Variants in BST1 observed in about 807,000 individuals in gnomAD.
BST1 encodes the protein ADP-ribosyl cyclase/cyclic ADP-ribose hydrolase 2.
BST1 carries 49 observed loss-of-function variants against 40.6 expected under a neutral mutation model. That is an observed-to-expected ratio of 1.21 (90% CI 0.96 to 1.53). The LOEUF is 1.53. Among genes scored for constraint, BST1 ranks in the 40% most tolerant of loss-of-function variants. The pLI is 0.00. For missense variants in BST1, 423 were observed against 395.9 expected, an observed-to-expected ratio of 1.07 and a Z score of -0.58; for synonymous variants, 157 against 159.3, an observed-to-expected ratio of 0.99 and a Z score of 0.11.
rs866542222 is a variant in BST1, at chr4:15,738,015, T to C, written c.*241T>C. On this transcript the variant is annotated 3_prime_UTR_variant, in exon 7 of 7. Coordinates refer to the BST1 transcript ENST00000514445. ...AATATTTAGGGTGGTGAAAATACTC[T>C]GCATGATACTAGAATTGTGGATACA... 42 of 346,410 alleles carry C rather than the reference T, an allele frequency of 1.2e-4. 2 individuals are homozygous for C. Among genetic ancestry groups the C allele is most frequent in the South Asian group, 8.9e-4 (40 of 45,172 alleles). The allele number at this position is 346,410 out of a possible 1,614,324, so 21.5% of individuals were successfully genotyped here. A position where few individuals can be genotyped will look rare whatever the true frequency, so the allele number is the denominator to read the frequency against.
chr4:15,768,141 A>G, the BST1 span, among the ~76,000 whole-genome samples: 1 of 152,344 alleles, frequency 6.6e-6, no homozygotes, highest in South Asian at 2.1e-4. Context: ...CCAGTGTGTT[A>G]GGCAATCTGG....
intron 1 of BST1, among the ~76,000 whole-genome samples, chr4:15,704,100 GGT>G (rs138135041): frequency 4.3e-5 from 6 of 140,570 alleles, no homozygotes; most frequent in Admixed American, 7.1e-5. Flanking sequence ...AGAGGTGACA[GGT>G]GTGTGTGTGT....
the BST1 span, among the ~76,000 whole-genome samples, chr4:15,756,128 C>T: frequency 2.0e-5 from 3 of 152,068 alleles, no homozygotes; most frequent in African/African-American, 7.2e-5. Flanking sequence ...AACACACCAC[C>T]ATGAACAACA....
the BST1 span, among the ~76,000 whole-genome samples, chr4:15,744,544 G>A: frequency 6.6e-6 from 1 of 152,088 alleles, no homozygotes; most frequent in Admixed American, 6.6e-5. Flanking sequence ...GGGATTATGG[G>A]GATTACAATT....
At chr4:15,707,834 A>T (rs952289761) in intron 3 of BST1, among the ~76,000 whole-genome samples, 188 bp downstream of exon 3, 2 of 107,024 alleles carry the variant, frequency 1.9e-5, no homozygotes, top group African/African-American at 3.8e-5. Flanking sequence ...CAGTCTAAGC[A>T]CTCTCTCTCT....
chr4:15,735,920 T>A, downstream of BST1: 1 of 376,632 alleles, frequency 2.7e-6, no homozygotes. Flanking sequence ...ATAAGAGTAA[T>A]AATGGCTCTT....
intron 4 of BST1, 83 bp from the exon 5 acceptor site, chr4:15,715,202 C>G: frequency 8.0e-7 from 1 of 1,255,548 alleles, no homozygotes; most frequent in African/African-American, 1.5e-5. Flanking sequence ...TTATTTAGAA[C>G]TGACAATTTG....
At chr4:15,761,985 G>A in the BST1 span, among the ~76,000 whole-genome samples, 3 of 151,426 alleles carry the variant, frequency 2.0e-5, no homozygotes, top group Admixed American at 6.6e-5. Context: ...CGAGGCAGGC[G>A]GATCACGAGC....
the BST1 span, among the ~76,000 whole-genome samples, chr4:15,764,204 C>T: frequency 6.6e-6 from 1 of 151,822 alleles, no homozygotes. Flanking sequence ...TTGCTGTAAA[C>T]CTAAAGCTGC....
rs778915780 is a variant in BST1, at chr4:15,711,854, C to G, written c.499C>G (p.Pro167Ala). The change falls in exon 4 of 9, where the codon CCT (proline) becomes GCT (alanine). Residue 167 changes from proline to alanine, a missense_variant. Pro to Ala is a conservative substitution (Grantham distance 27). Transcript: ENST00000265016. ...TACATCAGAAGACTGTGAAAATAATCCTGTGGATTCCTTTTGGAAAAGGGC... is the reference window on the plus strand; with the variant it reads ...TACATCAGAAGACTGTGAAAATAATGCTGTGGATTCCTTTTGGAAAAGGGC... ...CPTSEDCENN[P>A]VDSFWKRASI... The G allele has an allele frequency of 6.2e-7, 1 of 1,613,958 alleles. No homozygotes were observed. The highest frequency in any genetic ancestry group is 1.3e-5 in the African/African-American group (1 of 74,914).
At chr4:15,727,867 A>T (rs1721193267) in intron 8 of BST1, among the ~76,000 whole-genome samples, 1 of 151,886 alleles carries the variant, frequency 6.6e-6, no homozygotes. Flanking sequence ...TCAAATATCC[A>T]CTGACAAGTA....
At chr4:15,744,103 C>T in the BST1 span, among the ~76,000 whole-genome samples, 1 of 152,150 alleles carries the variant, frequency 6.6e-6, no homozygotes, top group Non-Finnish European at 1.5e-5. Flanking sequence ...GTGTAGTATA[C>T]AGATGAGGAA....
At chr4:15,752,139 C>T in the BST1 span, among the ~76,000 whole-genome samples, 2 of 152,112 alleles carry the variant, frequency 1.3e-5, no homozygotes, top group Non-Finnish European at 2.9e-5. Flanking sequence ...AGGTGTTCTT[C>T]TAAGTTCTAG....
At chr4:15,772,007 G>GTCTCTCTCTC in the BST1 span, among the ~76,000 whole-genome samples, 2,361 of 148,836 alleles carry the variant, frequency 0.016, 29 homozygotes, top group African/African-American at 0.032. Flanking sequence ...AACAATGAAG[G>GTCTCTCTCTC]TCTCTCTCTC....
intron 8 of BST1, chr4:15,730,940 G>T: frequency 3.1e-6 from 1 of 318,440 alleles, no homozygotes; most frequent in Non-Finnish European, 5.6e-6. Flanking sequence ...ACTGGTAGCA[G>T]TAGAATTTAT....
downstream of BST1, among the ~76,000 whole-genome samples, chr4:15,733,940 C>T (rs1417591147): frequency 6.6e-6 from 1 of 152,172 alleles, no homozygotes; most frequent in Non-Finnish European, 1.5e-5. Flanking sequence ...AAGTAAAAGC[C>T]ATGTTTACCA....
downstream of BST1, among the ~76,000 whole-genome samples, chr4:15,738,576 A>AAAAAAT (rs201977444): frequency 1.3e-5 from 2 of 152,200 alleles, no homozygotes; most frequent in East Asian, 1.9e-4. Context: ...GAGTTTGATA[A>AAAAAAT]AAAAATAAAA....
At chr4:15,709,416 G>A (rs773403739) in intron 3 of BST1, among the ~76,000 whole-genome samples, 15 of 152,240 alleles carry the variant, frequency 9.9e-5, no homozygotes, top group Non-Finnish European at 2.1e-4. Flanking sequence ...AGGATGTTGT[G>A]AGGCCTCTGC....
chr4:15,711,010 GA>G (rs1720171013), intron 3 of BST1, among the ~76,000 whole-genome samples: 1 of 152,058 alleles, frequency 6.6e-6, no homozygotes, highest in Non-Finnish European at 1.5e-5. Flanking sequence ...GTCTGGTCTT[GA>G]ACTCCTGACC....
Sources: gnomAD v4.1 joint callset for allele counts (sites outside exome capture counted in the v4.1 genomes callset) on GRCh38, gnomAD v4.1.1 for gene constraint, MANE v1.5 for transcripts, NCBI Gene and HGNC (gene_info 2026-07-23, HGNC 2026-07-21) for gene names.